Variants in SYCP2L observed in about 807,000 individuals in gnomAD.
SYCP2L encodes the protein synaptonemal complex protein 2 like, also known as synaptonemal complex protein 2-like.
In SYCP2L, 98 loss-of-function variants were observed where a neutral mutation model predicts 125.8. The observed-to-expected ratio is 0.78, with a 90% CI of 0.66 to 0.92. The LOEUF is 0.92. Among genes scored for constraint, SYCP2L ranks in the 40% least tolerant of loss-of-function variants. The pLI, the probability that SYCP2L is intolerant of heterozygous loss-of-function variation, is 0.00. For missense variants in SYCP2L, 842 were observed against 936.4 expected (o/e 0.90, Z 1.32); for synonymous variants, 317 against 325.4 (o/e 0.97, Z 0.28).
At chr6:10,932,189 C>G (rs113812577) in intron 20 of SYCP2L, among the ~76,000 whole-genome samples, 1,784 of 152,030 alleles carry the variant, frequency 0.012, 31 homozygotes, top group African/African-American at 0.031. Flanking sequence ...ATTTATTTTG[C>G]AAGTGCTTAG....
intron 21 of SYCP2L, among the ~76,000 whole-genome samples, chr6:10,939,085 A>G (rs1781165038): frequency 6.6e-6 from 1 of 152,044 alleles, no homozygotes; most frequent in Non-Finnish European, 1.5e-5. Flanking sequence ...ACGCCACTGC[A>G]TTTCAGCCTG....
intron 23 of SYCP2L, among the ~76,000 whole-genome samples, chr6:10,946,821 G>T (rs550801852): frequency 1.3e-5 from 2 of 150,760 alleles, no homozygotes. Context: ...GTCTAAATAC[G>T]TCTAAGATAA....
At chr6:10,958,207 T>C (rs528631590) in intron 25 of SYCP2L, among the ~76,000 whole-genome samples, 1 of 134,448 alleles carries the variant, frequency 7.4e-6, no homozygotes, top group African/African-American at 3.1e-5. Flanking sequence ...GACTGGATAA[T>C]TTATTTTTTT....
At chr6:10,891,607 CTCTCTCTGTGTGTGTGTGTG>C (rs749701284) in intron 2 of SYCP2L, 26 bp downstream of exon 2, 1 of 452,948 alleles carries the variant, frequency 2.2e-6, no homozygotes, top group East Asian at 3.9e-5. Flanking sequence ...CTTTTATAAT[CTCTCTCTGTGTGTGTGTGTG>C]TGTGTGTGTG....
At chr6:10,932,739 A>T (rs546746504) in intron 20 of SYCP2L, among the ~76,000 whole-genome samples, 1 of 152,332 alleles carries the variant, frequency 6.6e-6, no homozygotes, top group East Asian at 1.9e-4. Flanking sequence ...AACACCAAAG[A>T]AATACCACAG....
intron 29 of SYCP2L, among the ~76,000 whole-genome samples, chr6:10,971,528 T>C (rs1441153414): frequency 1.3e-5 from 2 of 151,626 alleles, no homozygotes; most frequent in Non-Finnish European, 2.9e-5. Context: ...TAAAAGTTTA[T>C]AAAGAGTTAA....
At chr6:10,972,348 A>G (rs1252341941) in intron 29 of SYCP2L, among the ~76,000 whole-genome samples, 1 of 152,254 alleles carries the variant, frequency 6.6e-6, no homozygotes, top group East Asian at 1.9e-4. Flanking sequence ...CCCAGCTCCA[A>G]TAGAGAATTG....
chr6:10,924,038 A>T (rs1780855969), intron 14 of SYCP2L, among the ~76,000 whole-genome samples: 1 of 152,200 alleles, frequency 6.6e-6, no homozygotes, highest in Admixed American at 6.5e-5. Flanking sequence ...GTCCATTGAA[A>T]TGGTGGTAGA....
intron 21 of SYCP2L, among the ~76,000 whole-genome samples, chr6:10,936,353 C>T (rs182154872): frequency 8.6e-5 from 13 of 152,006 alleles, no homozygotes; most frequent in Admixed American, 7.9e-4. Flanking sequence ...AAAAACTAGC[C>T]AGGCATGGTG....
At chr6:10,970,445 G>A (rs1159042569) in intron 29 of SYCP2L, among the ~76,000 whole-genome samples, 1 of 152,182 alleles carries the variant, frequency 6.6e-6, no homozygotes, top group African/African-American at 2.4e-5. Flanking sequence ...TGAATGGGTA[G>A]TAGTCAAAGG....
At chr6:10,903,540 ACT>A (rs977468405) in intron 8 of SYCP2L, among the ~76,000 whole-genome samples, 13 of 151,808 alleles carry the variant, frequency 8.6e-5, no homozygotes, top group African/African-American at 3.1e-4. Flanking sequence ...ACAGAGTGAG[ACT>A]CTGTCTTAAA....
At chr6:10,914,666 G>T (rs1312460670) in intron 14 of SYCP2L, among the ~76,000 whole-genome samples, 1 of 150,952 alleles carries the variant, frequency 6.6e-6, no homozygotes, top group Non-Finnish European at 1.5e-5. Context: ...TGTCGTCTAT[G>T]ATTTCTTTCA....
Position 10,887,075 on chromosome 6 carries a change from G to C in SYCP2L, c.-52G>C, listed in dbSNP as rs537482644. On this transcript the variant is annotated 5_prime_UTR_variant, in exon 1 of 30. Coordinates refer to ENST00000283141, the MANE Select transcript of SYCP2L (RefSeq NM_001040274.3). ...GCGGGGAAGCAGGAGAGGGCCGACC[G>C]AGCGCAACAAAGCTGAGCGGCGCGT... The C allele has an allele frequency of 7.4e-6, 12 of 1,613,210 alleles. No individual in the cohort carries two copies. The highest frequency in any genetic ancestry group is 3.3e-4 in the Middle Eastern group (2 of 6,054).
intron 29 of SYCP2L, among the ~76,000 whole-genome samples, chr6:10,966,002 A>G (rs1781669811): frequency 6.6e-6 from 1 of 152,184 alleles, no homozygotes; most frequent in Non-Finnish European, 1.5e-5. Context: ...TATCCCAGCT[A>G]CTTGGGAGGC....
chr6:10,961,483 C>G lies in SYCP2L; in HGVS notation c.2356-17C>G. ...AATAACGCTAGCTACTTAAACAAAA[C>G]TTTTGTTCAATCTTAGGAATTCTGG... On this transcript the variant is annotated splice_polypyrimidine_tract_variant and intron_variant, in intron 27 of 29. Coordinates refer to ENST00000283141, the MANE Select transcript of SYCP2L (RefSeq NM_001040274.3). The G allele has an allele frequency of 6.2e-7, 1 of 1,613,902 alleles. No homozygotes were observed. The highest frequency in any genetic ancestry group is 1.1e-5 in the South Asian group (1 of 91,022).
intron 21 of SYCP2L, among the ~76,000 whole-genome samples, chr6:10,941,264 A>G (rs1262830456): frequency 6.6e-6 from 1 of 152,180 alleles, no homozygotes; most frequent in Non-Finnish European, 1.5e-5. Flanking sequence ...TGTCTAAAAC[A>G]CCAAAAGCAA....
At chr6:10,960,519 A>G (rs1323790485) in intron 26 of SYCP2L, among the ~76,000 whole-genome samples, 1 of 152,232 alleles carries the variant, frequency 6.6e-6, no homozygotes, top group Non-Finnish European at 1.5e-5. Context: ...AAGCAAGCAA[A>G]TAAGAAAATT....
chr6:10,944,336 G>A (rs995347984), intron 23 of SYCP2L, among the ~76,000 whole-genome samples: 15 of 152,130 alleles, frequency 9.9e-5, no homozygotes, highest in South Asian at 2.1e-4. Context: ...TGTCTAACAC[G>A]TCTTGCCTAG....
At chr6:10,902,784 A>C in intron 7 of SYCP2L, 22 bp downstream of exon 7, 1 of 1,612,688 alleles carries the variant, frequency 6.2e-7, no homozygotes, top group South Asian at 1.1e-5. Context: ...GTAACAAAAC[A>C]GGTAATAGTG....
Sources: allele counts gnomAD v4.1 joint callset (sites outside exome capture counted in the v4.1 genomes callset), GRCh38; gene constraint gnomAD v4.1.1; transcripts MANE v1.5; gene names NCBI Gene and HGNC (gene_info 2026-07-23, HGNC 2026-07-21).